The following TUSC3 variants were observed in gnomAD, a reference collection of about 807,000 sequenced individuals.
TUSC3 encodes tumor suppressor candidate 3.
In TUSC3, 45 loss-of-function variants were observed where a neutral mutation model predicts 44.8. That is an observed-to-expected ratio of 1.00 (90% CI 0.79 to 1.29). TUSC3 has a LOEUF of 1.29. Among genes scored for constraint, TUSC3 ranks in the 50% most tolerant of loss-of-function variants. TUSC3 has a pLI of 0.00. For missense variants in TUSC3, 519 were observed against 437.9 expected (o/e 1.19, Z -1.65); for synonymous variants, 212 against 152.9 (o/e 1.39, Z -2.85).
At position 15,652,745 on chromosome 8, in the gene TUSC3, A is replaced by T. The variant is rs572064374; in HGVS notation, c.426+1931A>T. Among the ~76,000 whole-genome samples, 6 of 152,282 alleles carry T rather than the reference A, an allele frequency of 3.9e-5. No individual in the cohort carries two copies. In the East Asian group the frequency reaches 9.7e-4, roughly 25 times the overall value. On this transcript the variant is annotated intron_variant, in intron 3 of 10. Coordinates refer to ENST00000503731, the MANE Select transcript of TUSC3 (RefSeq NM_006765.4). ...GATCATCAGATAGAAGTGCTATTCA[A>T]TGTATACTTGAATCCTCTCTATCAT... is the stretch of plus-strand genomic sequence containing the variant.
chr8:15,435,360 C>G (rs1047661369), intron 1 of TUSC3, among the ~76,000 whole-genome samples: 1 of 152,122 alleles, frequency 6.6e-6, no homozygotes, highest in Non-Finnish European at 1.5e-5. Context: ...TGAACAGACA[C>G]TTCTCAAAAC....
chr8:15,837,631 C>A, the TUSC3 span, among the ~76,000 whole-genome samples: 1 of 152,140 alleles, frequency 6.6e-6, no homozygotes, highest in Non-Finnish European at 1.5e-5. Context: ...CAGCCGAACT[C>A]ACATTTAATC....
the TUSC3 span, among the ~76,000 whole-genome samples, chr8:15,834,948 T>G: frequency 6.6e-6 from 1 of 152,196 alleles, no homozygotes; most frequent in Non-Finnish European, 1.5e-5. Flanking sequence ...TTGTGGGACT[T>G]AAGTATGCAC....
At chr8:15,840,289 A>G in the TUSC3 span, among the ~76,000 whole-genome samples, 1,826 of 152,258 alleles carry the variant, frequency 0.012, 23 homozygotes, top group Non-Finnish European at 0.016. Context: ...TGATGAGTTA[A>G]TGGGTGCAGC....
chr8:15,569,758 T>C (rs1352812603), intron 1 of TUSC3, among the ~76,000 whole-genome samples: 1 of 152,142 alleles, frequency 6.6e-6, no homozygotes, highest in Non-Finnish European at 1.5e-5. Context: ...GCATAATTTT[T>C]AGGAATCTCA....
chr8:15,433,921 AT>A (rs1349238995), intron 1 of TUSC3, among the ~76,000 whole-genome samples: 1 of 152,192 alleles, frequency 6.6e-6, no homozygotes, highest in East Asian at 1.9e-4. Flanking sequence ...AGCTAGGAAT[AT>A]TTTGTACAGA....
chr8:15,631,358 A>G (rs528785698), intron 2 of TUSC3, among the ~76,000 whole-genome samples: 5 of 152,278 alleles, frequency 3.3e-5, no homozygotes, highest in East Asian at 1.9e-4. Context: ...CGTTCATTAT[A>G]TATGTGACAT....
chr8:15,801,309 A>G, the TUSC3 span, among the ~76,000 whole-genome samples: 14 of 152,102 alleles, frequency 9.2e-5, no homozygotes, highest in African/African-American at 2.9e-4. Flanking sequence ...TCCTGAGAGC[A>G]TTTTTGGGAG....
chr8:15,832,108 C>A, the TUSC3 span, among the ~76,000 whole-genome samples: 1 of 152,110 alleles, frequency 6.6e-6, no homozygotes, highest in Non-Finnish European at 1.5e-5. Flanking sequence ...AGCAGAAAAC[C>A]CACAAGGCAG....
chr8:15,679,347 T>A (rs1808316939), intron 6 of TUSC3, among the ~76,000 whole-genome samples: 1 of 152,160 alleles, frequency 6.6e-6, no homozygotes. Flanking sequence ...GGCGTTTCTC[T>A]GATGATTAGT....
chr8:15,451,491 A>G (rs921194622), intron 1 of TUSC3, among the ~76,000 whole-genome samples: 1 of 152,106 alleles, frequency 6.6e-6, no homozygotes, highest in African/African-American at 2.4e-5. Context: ...AGCCAAAAGG[A>G]TAGGATTGGA....
the TUSC3 span, among the ~76,000 whole-genome samples, chr8:15,845,002 ACAG>A: frequency 6.6e-6 from 1 of 152,282 alleles, no homozygotes; most frequent in East Asian, 1.9e-4. Context: ...TACAATAGAA[ACAG>A]CAGAACAGAA....
chr8:15,508,693 C>G (rs1431427757), intron 2 of TUSC3, among the ~76,000 whole-genome samples: 1 of 152,086 alleles, frequency 6.6e-6, no homozygotes, highest in Admixed American at 6.5e-5. Context: ...AGTCTCCTGA[C>G]CTTGTGATTC....
At chr8:15,829,586 T>C in the TUSC3 span, among the ~76,000 whole-genome samples, 3 of 152,164 alleles carry the variant, frequency 2.0e-5, no homozygotes, top group South Asian at 6.2e-4. Flanking sequence ...TTGACTATAG[T>C]AGATTTTGCT....
chr8:15,534,110 T>C (rs1237003617), intron 2 of TUSC3, among the ~76,000 whole-genome samples: 5 of 152,150 alleles, frequency 3.3e-5, no homozygotes, highest in Admixed American at 2.6e-4. Context: ...AGTTCCCAGT[T>C]TGACTTTTCC....
At chr8:15,632,414 A>G (rs1388620653) in intron 2 of TUSC3, among the ~76,000 whole-genome samples, 1 of 152,126 alleles carries the variant, frequency 6.6e-6, no homozygotes, top group African/African-American at 2.4e-5. Context: ...GGAGGCCCAT[A>G]ATATTAGCTT....
At chr8:15,846,878 A>G in the TUSC3 span, among the ~76,000 whole-genome samples, 1 of 71,032 alleles carries the variant, frequency 1.4e-5, no homozygotes, top group Non-Finnish European at 3.4e-5. Flanking sequence ...TGATAATTTG[A>G]AAAAAAAAAA....
chr8:15,589,335 C>T (rs1052956139), intron 1 of TUSC3, among the ~76,000 whole-genome samples: 1 of 152,088 alleles, frequency 6.6e-6, no homozygotes, highest in Non-Finnish European at 1.5e-5. Flanking sequence ...TGCATCTTAA[C>T]AAGATCCTGA....
rs533659430 is a variant in TUSC3, at chr8:15,443,037, G to A, written n.91+25732G>A. 3.3e-5 allele frequency among the ~76,000 whole-genome samples: 5 copies of A among 152,238 alleles called. No individual in the cohort carries two copies. The East Asian group carries it at 9.7e-4, about 29-fold the overall frequency. ...TCCAGTAACCCCTTCACTCCACTGT[G>A]GGCTATAAATCCTCAGCTGTTTTTG... On this transcript the variant is annotated intron_variant and non_coding_transcript_variant, in intron 1 of 5. Transcript: ENST00000503191.
Sources: allele counts gnomAD v4.1 joint callset (sites outside exome capture counted in the v4.1 genomes callset), GRCh38; gene constraint gnomAD v4.1.1; transcripts MANE v1.5; gene names NCBI Gene and HGNC (gene_info 2026-07-23, HGNC 2026-07-21).